The following MTUS2 variants were observed in gnomAD, a reference collection of about 807,000 sequenced individuals.
MTUS2 encodes the protein microtubule-associated tumor suppressor candidate 2.
In MTUS2, 40 loss-of-function variants were observed where a neutral mutation model predicts 114.1. That is an observed-to-expected ratio of 0.35 (90% CI 0.27 to 0.46). The LOEUF (loss-of-function observed/expected upper bound fraction) is 0.46. Ranked by LOEUF, MTUS2 falls within the 20% of genes least tolerant of loss-of-function variation. The pLI is 1.00. For missense variants in MTUS2, 1,679 were observed against 1,705.4 expected (o/e 0.98, Z 0.27); for synonymous variants, 688 against 672.0 (o/e 1.02, Z -0.37).
At chr13:29,318,257 GT>G (rs34302306) in intron 6 of MTUS2, among the ~76,000 whole-genome samples, 9,879 of 139,048 alleles carry the variant, frequency 0.071, 470 homozygotes, top group African/African-American at 0.15. Flanking sequence ...AATGTTTTAG[GT>G]TTTTTTTTTT....
chr13:29,239,661 A>G (rs1254042724), intron 5 of MTUS2: 4 of 152,230 alleles, frequency 2.6e-5, no homozygotes, highest in African/African-American at 7.2e-5. Flanking sequence ...TGGAACATGC[A>G]TACACACATG....
intron 9 of MTUS2, among the ~76,000 whole-genome samples, chr13:29,448,687 C>A (rs977517297): frequency 6.7e-6 from 1 of 148,544 alleles, no homozygotes; most frequent in Non-Finnish European, 1.5e-5. Flanking sequence ...ATGGACTTTA[C>A]TTTTTTATGT....
chr13:29,277,529 A>G (rs12868410), intron 5 of MTUS2, among the ~76,000 whole-genome samples: 10,355 of 152,344 alleles, frequency 0.068, 476 homozygotes, highest in Non-Finnish European at 0.1. Flanking sequence ...TGTAGTGAAT[A>G]AATGCAGTAT....
At chr13:29,082,420 A>G (rs984880178) in intron 4 of MTUS2, among the ~76,000 whole-genome samples, 5 of 152,188 alleles carry the variant, frequency 3.3e-5, no homozygotes, top group African/African-American at 1.2e-4. Context: ...CCTGATGGTG[A>G]TATTTTCATC....
chr13:29,036,810 T>C (rs1887097693), intron 4 of MTUS2, among the ~76,000 whole-genome samples: 1 of 146,684 alleles, frequency 6.8e-6, no homozygotes, highest in African/African-American at 2.5e-5. Context: ...GTCTGTTTTA[T>C]CAGAGATTAG....
rs7987972 is a variant in MTUS2, at chr13:29,114,530, C to G, written c.2644+13560C>G. ...TTCACTCTATGTAGGTAAAGGTGGA[C>G]AGTATCAAAACTAGAAGGAAAAGTA... is the stretch of plus-strand genomic sequence containing the variant. On this transcript the variant is annotated intron_variant, in intron 5 of 15. Transcript: ENST00000612955. Among the ~76,000 whole-genome samples, 615 of 151,970 alleles carry G rather than the reference C, an allele frequency of 4.0e-3. 4 individuals carry two copies. The highest frequency in any genetic ancestry group is 0.014 in the African/African-American group (576 of 41,422).
chr13:28,916,361 G>A (rs1880745354), intron 2 of MTUS2, among the ~76,000 whole-genome samples: 1 of 151,898 alleles, frequency 6.6e-6, no homozygotes, highest in African/African-American at 2.4e-5. Flanking sequence ...GATAGGGGTT[G>A]CATTGAATCT....
intron 2 of MTUS2, among the ~76,000 whole-genome samples, chr13:28,981,890 G>A (rs1884375389): frequency 6.6e-6 from 1 of 152,232 alleles, no homozygotes. Context: ...GCTCAAGTGG[G>A]TATGAGCGTA....
chr13:29,364,086 A>G (rs532139366), intron 8 of MTUS2, among the ~76,000 whole-genome samples: 17 of 152,290 alleles, frequency 1.1e-4, no homozygotes, highest in Non-Finnish European at 7.4e-5. Flanking sequence ...TCTCTTCACA[A>G]TCATCAAGGT....
chr13:29,182,497 G>A (rs372006662), intron 5 of MTUS2, among the ~76,000 whole-genome samples: 27 of 152,262 alleles, frequency 1.8e-4, no homozygotes, highest in African/African-American at 6.3e-4. Context: ...TTCCTCCTCT[G>A]CATCACCTTT....
chr13:29,036,807 T>G (rs1191557900), intron 4 of MTUS2, among the ~76,000 whole-genome samples: 1 of 147,850 alleles, frequency 6.8e-6, no homozygotes, highest in Non-Finnish European at 1.5e-5. Context: ...AAAGTCTGTT[T>G]TATCAGAGAT....
chr13:29,235,143 C>T (rs1043348004), intron 5 of MTUS2, among the ~76,000 whole-genome samples: 2 of 152,050 alleles, frequency 1.3e-5, no homozygotes, highest in Non-Finnish European at 2.9e-5. Flanking sequence ...GTTGCCCAGG[C>T]TGGAGTGCAG....
chr13:29,145,646 A>G (rs1217847495), intron 5 of MTUS2, among the ~76,000 whole-genome samples: 2 of 152,170 alleles, frequency 1.3e-5, no homozygotes, highest in Non-Finnish European at 2.9e-5. Context: ...CAATTGAAAA[A>G]TTGGACTTAG....
chr13:29,250,735 A>G (rs568565082), intron 5 of MTUS2, among the ~76,000 whole-genome samples: 5 of 152,282 alleles, frequency 3.3e-5, no homozygotes, highest in Admixed American at 6.5e-5. Flanking sequence ...TGTCACATCT[A>G]GTCTCTCAGG....
intron 6 of MTUS2, among the ~76,000 whole-genome samples, chr13:29,283,054 G>A (rs1418159905): frequency 6.6e-6 from 1 of 152,172 alleles, no homozygotes; most frequent in African/African-American, 2.4e-5. Flanking sequence ...GTGTTGCTTT[G>A]TTTGATGCAT....
intron 2 of MTUS2, among the ~76,000 whole-genome samples, chr13:28,872,938 A>G (rs1877711272): frequency 1.3e-5 from 2 of 152,218 alleles, no homozygotes; most frequent in Admixed American, 1.3e-4. Flanking sequence ...GAAAATTACA[A>G]ACCTCAAATA....
intron 4 of MTUS2, among the ~76,000 whole-genome samples, chr13:29,056,235 A>G (rs1054230757): frequency 6.6e-6 from 1 of 152,066 alleles, no homozygotes; most frequent in Non-Finnish European, 1.5e-5. Context: ...TAAGTCTTTA[A>G]TACATCTTGA....
chr13:29,468,353 A>G (rs1293112402), intron 9 of MTUS2, among the ~76,000 whole-genome samples: 1 of 152,046 alleles, frequency 6.6e-6, no homozygotes, highest in Non-Finnish European at 1.5e-5. Context: ...CTGAGGTGGG[A>G]GGATTACTTG....
intron 14 of MTUS2, among the ~76,000 whole-genome samples, chr13:29,499,592 T>C (rs1056886551): frequency 2.6e-5 from 4 of 152,242 alleles, no homozygotes; most frequent in African/African-American, 9.6e-5. Flanking sequence ...AGGTAGTATC[T>C]GCGTGCACAT....
Sources: gnomAD v4.1 joint callset for allele counts (sites outside exome capture counted in the v4.1 genomes callset) on GRCh38, gnomAD v4.1.1 for gene constraint, MANE v1.5 for transcripts, NCBI Gene and HGNC (gene_info 2026-07-23, HGNC 2026-07-21) for gene names.